MYO10: variants seen among roughly 807,000 people sequenced by gnomAD.
MYO10 encodes the protein unconventional myosin-X.
A neutral mutation model predicts 257.3 loss-of-function variants in MYO10; 133 were observed. That is an observed-to-expected ratio of 0.52 (90% CI 0.45 to 0.60). MYO10 has a LOEUF of 0.60. Among genes scored for constraint, MYO10 ranks in the 20% least tolerant of loss-of-function variants. MYO10 has a pLI of 0.00. For synonymous variants in MYO10, 1,104 were observed against 1,028.6 expected (o/e 1.07, Z -1.40); for missense variants, 2,399 against 2,635.7 (o/e 0.91, Z 1.97).
At chr5:16,912,430 T>C (rs1046809815) in intron 1 of MYO10, among the ~76,000 whole-genome samples, 3 of 152,182 alleles carry the variant, frequency 2.0e-5, no homozygotes, top group Non-Finnish European at 4.4e-5. Context: ...CGCACTTTCC[T>C]TACCTGAGGC....
At chr5:16,733,165 A>G (rs1030702856) in intron 19 of MYO10, among the ~76,000 whole-genome samples, 1 of 152,066 alleles carries the variant, frequency 6.6e-6, no homozygotes, top group Non-Finnish European at 1.5e-5. Context: ...CAACAACAAC[A>G]ACAAAAATAC....
At chr5:16,778,672 C>G (rs1741301254) in intron 9 of MYO10, among the ~76,000 whole-genome samples, 1 of 149,014 alleles carries the variant, frequency 6.7e-6, no homozygotes, top group African/African-American at 2.5e-5. Flanking sequence ...GCAGGAACAC[C>G]TCTCGCTTTG....
chr5:16,792,234 TA>T (rs35991846), intron 4 of MYO10, among the ~76,000 whole-genome samples: 6 of 147,234 alleles, frequency 4.1e-5, no homozygotes, highest in African/African-American at 7.5e-5. Context: ...CCCATTTGTT[TA>T]AAAAAAAAAG....
At chr5:16,795,972 A>C (rs905998945) in intron 3 of MYO10, among the ~76,000 whole-genome samples, 3 of 151,902 alleles carry the variant, frequency 2.0e-5, no homozygotes, top group Non-Finnish European at 2.9e-5. Context: ...CGAGGATCTC[A>C]AGATCAGGAG....
intron 28 of MYO10, among the ~76,000 whole-genome samples, chr5:16,687,283 T>A (rs1737294816): frequency 6.6e-6 from 1 of 151,864 alleles, no homozygotes; most frequent in African/African-American, 2.4e-5. Context: ...ATTATTCCAC[T>A]GCACTCCAGC....
rs1737128238 is a variant in MYO10, at chr5:16,684,002, C to A, written c.3991-67G>T. The A allele has an allele frequency of 1.6e-5, 22 of 1,392,960 alleles. No individual in the cohort carries two copies. The South Asian group carries it at 2.3e-4, about 15-fold the overall frequency. The allele number at this position is 1,392,960 out of a possible 1,614,324, so 86.3% of individuals were successfully genotyped here. A position where few individuals can be genotyped will look rare whatever the true frequency, so the allele number is the denominator to read the frequency against. ...AAGTAGGGTGCACACTACAGTAATA[C>A]CTCTAGCCCACAACTCCCAATCAGA... On this transcript the variant is annotated intron_variant, in intron 29 of 40. Coordinates refer to ENST00000513610, the MANE Select transcript of MYO10 (RefSeq NM_012334.3).
At chr5:16,794,935 TCTG>T in intron 3 of MYO10, 102 bp from the exon 4 acceptor site, 2 of 942,254 alleles carry the variant, frequency 2.1e-6, no homozygotes, top group Non-Finnish European at 2.9e-6. Flanking sequence ...AAAGACGTCT[TCTG>T]TCTCCCGGGT....
At chr5:16,878,367 A>G (rs928927913) in intron 1 of MYO10, among the ~76,000 whole-genome samples, 9 of 152,346 alleles carry the variant, frequency 5.9e-5, no homozygotes, top group African/African-American at 2.2e-4. Context: ...TTAGGATTAC[A>G]TGAGACACCT....
In MYO10 at chr5:16,689,833, T is replaced by C; in HGVS notation, c.3887A>G (p.Glu1296Gly). ...RTFHLIAESP[E>G]DASQWFSVLS... ...AACAGCGCAGACTCACCTGGCATCT[T>C]CTGGGGACTCTGCAATCAGGTGGAA... The change falls in exon 28 of 41, where the codon GAA becomes GGA. Residue 1296 changes from glutamate to glycine, a missense_variant. Glu to Gly is a moderately conservative substitution (Grantham distance 98). Coordinates refer to ENST00000513610, the MANE Select transcript of MYO10 (RefSeq NM_012334.3). The C allele has an allele frequency of 6.2e-7, 1 of 1,612,184 alleles. No homozygotes were observed. The highest frequency in any genetic ancestry group is 8.5e-7 in the Non-Finnish European group (1 of 1,178,388).
At chr5:16,755,035 G>T in intron 18 of MYO10, 127 bp from the exon 19 acceptor site, 2 of 476,752 alleles carry the variant, frequency 4.2e-6, no homozygotes, top group East Asian at 6.7e-5. Flanking sequence ...ATAACTTAGA[G>T]GTTTTCATTT....
intron 19 of MYO10, among the ~76,000 whole-genome samples, chr5:16,718,971 T>C (rs1739025931): frequency 6.6e-6 from 1 of 152,292 alleles, no homozygotes; most frequent in East Asian, 1.9e-4. Context: ...ATCAGCAGGA[T>C]GTGGGTGGGG....
At chr5:16,789,496 T>C (rs1019009133) in intron 4 of MYO10, among the ~76,000 whole-genome samples, 6 of 152,178 alleles carry the variant, frequency 3.9e-5, no homozygotes, top group African/African-American at 1.4e-4. Flanking sequence ...GAAAGTAGGA[T>C]TCTGTTCTGG....
At chr5:16,781,011 T>A (rs984873236) in intron 6 of MYO10, among the ~76,000 whole-genome samples, 12 of 152,092 alleles carry the variant, frequency 7.9e-5, no homozygotes, top group Admixed American at 6.6e-4. Context: ...AATGATGAAG[T>A]CAATGTTTCA....
Position 16,699,584 on chromosome 5 carries a change from A to G in MYO10, c.3433-11T>C. ...TTCACTATCTTCAAACTGGACCGAG[A>G]GAGAGAAGCCAACGGTGAGGGAAAA... On this transcript the variant is annotated splice_polypyrimidine_tract_variant and intron_variant, in intron 25 of 40. Coordinates refer to ENST00000513610, the MANE Select transcript of MYO10 (RefSeq NM_012334.3). 6.2e-7 allele frequency: 1 copy of G among 1,613,444 alleles called. No homozygotes were observed. Among genetic ancestry groups the G allele is most frequent in the Non-Finnish European group, 8.5e-7 (1 of 1,179,856 alleles).
intron 10 of MYO10, among the ~76,000 whole-genome samples, chr5:16,768,834 C>G (rs1305516877): frequency 6.6e-6 from 1 of 151,798 alleles, no homozygotes; most frequent in East Asian, 1.9e-4. Flanking sequence ...CACCATCATG[C>G]CTGGCTAATT....
chr5:16,885,196 T>TC (rs1436347655), intron 1 of MYO10, among the ~76,000 whole-genome samples: 1 of 151,756 alleles, frequency 6.6e-6, no homozygotes, highest in African/African-American at 2.4e-5. Context: ...ACTCTGCTTT[T>TC]TTTTTTTTTT....
At chr5:16,672,022 C>A (rs1736489430) in intron 37 of MYO10, among the ~76,000 whole-genome samples, 1 of 152,174 alleles carries the variant, frequency 6.6e-6, no homozygotes, top group Non-Finnish European at 1.5e-5. Flanking sequence ...AGGCCAGGTG[C>A]AGTGGCTCAC....
At chr5:16,671,067 T>C in intron 38 of MYO10, 89 bp from the exon 39 acceptor site, 1 of 1,216,696 alleles carries the variant, frequency 8.2e-7, no homozygotes, top group Non-Finnish European at 1.1e-6. Context: ...TCATGAGGGT[T>C]TCTCTCAAAC....
rs537509144 is a variant in MYO10 at position 16,877,632 on chromosome 5, C to G, written c.97G>C (p.Val33Leu). 6 of 1,613,484 alleles carry G rather than the reference C, an allele frequency of 3.7e-6. No individual in the cohort carries two copies. In the South Asian group the frequency reaches 5.5e-5, roughly 15 times the overall value. ...ACCTGACCATAGTCTGTCCGGAAGA[C>G]GACGATGCCTTCTGCACAGGAATTT... ...TVNSCAEGIV[V>L]FRTDYGQVFT... Residue 33 changes from valine (V) to leucine (L), a missense_variant, in exon 2 of 41, where the codon GTC becomes CTC. Physicochemically the swap from Val to Leu is conservative, Grantham distance 32. Transcript: ENST00000513610.
Sources: gnomAD v4.1 joint callset for allele counts (sites outside exome capture counted in the v4.1 genomes callset) on GRCh38, gnomAD v4.1.1 for gene constraint, MANE v1.5 for transcripts, NCBI Gene and HGNC (gene_info 2026-07-23, HGNC 2026-07-21) for gene names.